IL1RAPL2: variants seen among roughly 807,000 people sequenced by gnomAD.
IL1RAPL2 encodes the protein X-linked interleukin-1 receptor accessory protein-like 2.
In IL1RAPL2, 3 loss-of-function variants were observed where a neutral mutation model predicts 44.1. That is an observed-to-expected ratio of 0.07 (90% confidence interval 0.03 to 0.18). The LOEUF (loss-of-function observed/expected upper bound fraction) is 0.18. IL1RAPL2 is among the 10% of genes least tolerant of loss of function. The probability of loss-of-function intolerance (pLI) is 1.00; values close to 1 mark genes in which losing one functional copy is unlikely to be tolerated. For synonymous variants in IL1RAPL2, 181 were observed against 178.8 expected, an observed-to-expected ratio of 1.01 and a Z score of -0.10; for missense variants, 391 against 496.4, an observed-to-expected ratio of 0.79 and a Z score of 2.02.
rs1318806908 is a variant in IL1RAPL2 at position 105,670,135 on chromosome X, ATATATATATAT to A, written c.773-47231_773-47221del. On this transcript the variant is annotated intron_variant, in intron 6 of 10. Coordinates refer to ENST00000372582, the MANE Select transcript of IL1RAPL2 (RefSeq NM_017416.2). ...TATATATATATATATATATATATAT[ATATATATATAT>A]ATCTCCACCAGACCACACAGTCTTG... 8.0e-3 allele frequency among the ~76,000 whole-genome samples: 409 copies of A among 50,841 alleles called. 56 individuals are homozygous for A. The highest frequency in any genetic ancestry group is 0.011 in the South Asian group (12 of 1,126). 44.1% of individuals were successfully genotyped at this position (50,841 alleles called of 115,157 possible). A position where few individuals can be genotyped will look rare whatever the true frequency, so the allele number is the denominator to read the frequency against.
intron 1 of IL1RAPL2, among the ~76,000 whole-genome samples, chrX:104,640,914 G>A (rs1466283091): frequency 8.9e-6 from 1 of 112,282 alleles, no homozygotes; most frequent in Non-Finnish European, 1.9e-5. Flanking sequence ...CTGTCCTTGG[G>A]CCCCATGGCT....
chrX:105,261,034 A>G (rs1295816651), intron 4 of IL1RAPL2, among the ~76,000 whole-genome samples: 1 of 111,808 alleles, frequency 8.9e-6, no homozygotes, highest in East Asian at 2.8e-4. Flanking sequence ...GCCCAAGTAT[A>G]TAAGACTCCA....
chrX:105,089,407 C>G (rs1402710284), intron 2 of IL1RAPL2, among the ~76,000 whole-genome samples: 2 of 111,063 alleles, frequency 1.8e-5, no homozygotes, highest in African/African-American at 3.3e-5. Flanking sequence ...AAGTGAGTCC[C>G]TATTTTCCTT....
At chrX:104,899,403 G>T (rs1923748687) in intron 2 of IL1RAPL2, among the ~76,000 whole-genome samples, 1 of 111,369 alleles carries the variant, frequency 9.0e-6, no homozygotes, top group African/African-American at 3.3e-5. Flanking sequence ...TCAAAAAGTT[G>T]TTTTCCCTTG....
intron 6 of IL1RAPL2, among the ~76,000 whole-genome samples, chrX:105,573,119 T>C (rs989055485): frequency 2.7e-5 from 3 of 111,423 alleles, no homozygotes; most frequent in Non-Finnish European, 3.8e-5. Flanking sequence ...AGTGCAATGG[T>C]GTGATCACGG....
chrX:104,815,859 A>G (rs1476205611), intron 2 of IL1RAPL2, among the ~76,000 whole-genome samples: 1 of 91,230 alleles, frequency 1.1e-5, no homozygotes, highest in African/African-American at 4.1e-5. Flanking sequence ...TTTGGTTCCT[A>G]GCCTTTTCCC....
chrX:105,191,355 C>T (rs1267993866), intron 2 of IL1RAPL2, among the ~76,000 whole-genome samples: 1 of 112,147 alleles, frequency 8.9e-6, no homozygotes, highest in African/African-American at 3.2e-5. Flanking sequence ...GCTGGGACTA[C>T]AGGCATGCGC....
intron 2 of IL1RAPL2, among the ~76,000 whole-genome samples, chrX:105,168,668 C>G (rs922434910): frequency 1.5e-4 from 16 of 109,264 alleles, no homozygotes; most frequent in African/African-American, 5.4e-4. Flanking sequence ...TGTTTCAGTT[C>G]AATCTGAAGG....
intron 2 of IL1RAPL2, among the ~76,000 whole-genome samples, chrX:104,880,016 G>T (rs1156841677): frequency 9.0e-6 from 1 of 110,924 alleles, no homozygotes; most frequent in Non-Finnish European, 1.9e-5. Context: ...TGATTGCTTG[G>T]TAATCAAATG....
intron 5 of IL1RAPL2, among the ~76,000 whole-genome samples, chrX:105,423,073 C>A (rs1020062123): frequency 1.8e-5 from 2 of 110,699 alleles, no homozygotes; most frequent in African/African-American, 6.6e-5. Flanking sequence ...CTGATAATGT[C>A]CACTAAGTCA....
intron 2 of IL1RAPL2, among the ~76,000 whole-genome samples, chrX:105,015,828 A>C (rs2031162972): frequency 8.9e-6 from 1 of 111,746 alleles, no homozygotes; most frequent in African/African-American, 3.3e-5. Context: ...AATTTAAAGC[A>C]GTTTTTTCCA....
At chrX:104,615,389 C>T (rs902783283) in intron 1 of IL1RAPL2, among the ~76,000 whole-genome samples, 45 of 106,775 alleles carry the variant, frequency 4.2e-4, no homozygotes, top group African/African-American at 1.5e-3. Context: ...CAACCCCACC[C>T]CCCAACAGGC....
chrX:104,865,801 C>A (rs1162539544), intron 2 of IL1RAPL2, among the ~76,000 whole-genome samples: 1 of 112,925 alleles, frequency 8.9e-6, no homozygotes, highest in African/African-American at 3.2e-5. Context: ...TGCTCTCAGG[C>A]CTTCGGCCAC....
intron 10 of IL1RAPL2, among the ~76,000 whole-genome samples, chrX:105,764,736 G>A (rs1279046392): frequency 9.0e-6 from 1 of 110,964 alleles, no homozygotes; most frequent in Admixed American, 9.6e-5. Context: ...AGATCAAGAG[G>A]TCGAGGTTGC....
chrX:104,813,901 T>C lies in IL1RAPL2; in HGVS notation c.82+154906T>C, dbSNP rs1187905016. Among the ~76,000 whole-genome samples, 4 of 112,092 alleles carry C rather than the reference T, an allele frequency of 3.6e-5. No individual in the cohort carries two copies. The East Asian group carries it at 8.4e-4, about 24-fold the overall frequency. On this transcript the variant is annotated intron_variant, in intron 2 of 10. Transcript: ENST00000372582. ...TAGTTCTTACAGCTCTTTTCAACTA[T>C]GAGCTTTGACAAAGAGTCTGTAATT...
At chrX:105,551,226 A>G (rs1379689289) in intron 6 of IL1RAPL2, among the ~76,000 whole-genome samples, 1 of 108,885 alleles carries the variant, frequency 9.2e-6, no homozygotes, top group African/African-American at 3.4e-5. Flanking sequence ...TGTCTTGAAC[A>G]TACTTACCAT....
At chrX:104,763,047 T>G (rs1055129778) in intron 2 of IL1RAPL2, among the ~76,000 whole-genome samples, 5 of 112,332 alleles carry the variant, frequency 4.5e-5, no homozygotes, top group African/African-American at 1.6e-4. Flanking sequence ...TGGGTTTTCT[T>G]TTCTCCTGCA....
At chrX:104,627,008 G>A (rs1346852624) in intron 1 of IL1RAPL2, among the ~76,000 whole-genome samples, 1 of 108,799 alleles carries the variant, frequency 9.2e-6, no homozygotes, top group African/African-American at 3.3e-5. Context: ...TAGTAGAGAC[G>A]TGGTTTCACC....
At chrX:104,986,062 GTTCTGCTCAAA>G (rs1292037071) in intron 2 of IL1RAPL2, among the ~76,000 whole-genome samples, 1 of 112,137 alleles carries the variant, frequency 8.9e-6, no homozygotes, top group Non-Finnish European at 1.9e-5. Flanking sequence ...GTCCTTCAGA[GTTCTGCTCAAA>G]TTCTACCTCT....
Sources: allele counts gnomAD v4.1 joint callset (sites outside exome capture counted in the v4.1 genomes callset), GRCh38; gene constraint gnomAD v4.1.1; transcripts MANE v1.5; gene names NCBI Gene and HGNC (gene_info 2026-07-23, HGNC 2026-07-21).